ZC3H12B: variants seen among roughly 807,000 people sequenced by gnomAD.
The protein encoded by ZC3H12B is probable ribonuclease ZC3H12B.
In ZC3H12B, 7 loss-of-function variants were observed where a neutral mutation model predicts 43.9. That is an observed-to-expected ratio of 0.16 (90% CI 0.09 to 0.30). The LOEUF is 0.30. ZC3H12B is among the 10% of genes least tolerant of loss of function. The probability of loss-of-function intolerance (pLI) is 1.00; values close to 1 mark genes in which losing one functional copy is unlikely to be tolerated. For synonymous variants in ZC3H12B, 222 were observed against 241.7 expected, an observed-to-expected ratio of 0.92 and a Z score of 0.76; for missense variants, 475 against 670.2, an observed-to-expected ratio of 0.71 and a Z score of 3.22.
At chrX:65,338,192 A>G in the ZC3H12B span, among the ~76,000 whole-genome samples, 4 of 110,561 alleles carry the variant, frequency 3.6e-5, no homozygotes, top group Non-Finnish European at 7.6e-5. Flanking sequence ...CATGTTTAGA[A>G]CTCCCATAAG....
the ZC3H12B span, among the ~76,000 whole-genome samples, chrX:65,106,319 G>A: frequency 1.3e-4 from 15 of 111,968 alleles, no homozygotes; most frequent in South Asian, 3.7e-4. Flanking sequence ...AGAGAGGAGC[G>A]TGGAGGGCAT....
At chrX:65,156,900 G>T in the ZC3H12B span, among the ~76,000 whole-genome samples, 3 of 111,526 alleles carry the variant, frequency 2.7e-5, no homozygotes, top group Admixed American at 9.6e-5. Context: ...TCATCTTTTG[G>T]CTCAGTTAAT....
exon 5 of ZC3H12B, chrX:65,503,885 G>A (rs1032157057): frequency 2.1e-4 from 24 of 111,816 alleles, no homozygotes; most frequent in African/African-American, 7.8e-4. Context: ...CTAAAGTGCT[G>A]GGATTACAGG....
At chrX:65,312,994 G>A in the ZC3H12B span, among the ~76,000 whole-genome samples, 19 of 111,682 alleles carry the variant, frequency 1.7e-4, no homozygotes, top group Admixed American at 9.5e-4. Flanking sequence ...TGATTCTCCT[G>A]CCTCAGTCTC....
intron 2 of ZC3H12B, among the ~76,000 whole-genome samples, chrX:65,375,794 C>T (rs758710334): frequency 1.8e-5 from 2 of 111,927 alleles, no homozygotes; most frequent in East Asian, 5.6e-4. Context: ...CACAGCAATG[C>T]CCAGGTAGTA....
chrX:65,120,096 G>C, the ZC3H12B span, among the ~76,000 whole-genome samples: 1 of 111,863 alleles, frequency 8.9e-6, no homozygotes, highest in South Asian at 3.7e-4. Flanking sequence ...CTCTAGCTTT[G>C]TTCTTTTGAC....
chrX:65,498,493 T>A (rs2068322280), intron 2 of ZC3H12B, among the ~76,000 whole-genome samples: 1 of 111,941 alleles, frequency 8.9e-6, no homozygotes, highest in Admixed American at 9.5e-5. Context: ...CCTCGGCAAC[T>A]AGGAGACCAA....
chrX:65,051,091 A>G, the ZC3H12B span, among the ~76,000 whole-genome samples: 1 of 111,297 alleles, frequency 9.0e-6, no homozygotes, highest in Non-Finnish European at 1.9e-5. Flanking sequence ...TTGGTAGGTT[A>G]TAGAGTTCCA....
the ZC3H12B span, among the ~76,000 whole-genome samples, chrX:65,037,778 A>C: frequency 2.7e-5 from 3 of 111,093 alleles, no homozygotes. Flanking sequence ...TATAAGCAAC[A>C]TTCATTTTGA....
the ZC3H12B span, among the ~76,000 whole-genome samples, chrX:65,230,350 C>T: frequency 9.4e-6 from 1 of 106,078 alleles, no homozygotes; most frequent in African/African-American, 3.5e-5. Context: ...CACATGGACG[C>T]AGGAAGGGGA....
At chrX:65,069,641 G>A in the ZC3H12B span, among the ~76,000 whole-genome samples, 1 of 111,759 alleles carries the variant, frequency 8.9e-6, no homozygotes, top group African/African-American at 3.3e-5. Flanking sequence ...CTACTTTATT[G>A]AGAGTTTTTA....
chrX:65,373,135 A>G (rs1487326623), intron 2 of ZC3H12B, among the ~76,000 whole-genome samples: 1 of 112,376 alleles, frequency 8.9e-6, no homozygotes, highest in Admixed American at 9.4e-5. Flanking sequence ...CCACAGTACG[A>G]TTGTAAGGAT....
intron 4 of ZC3H12B, 131 bp from the exon 10 acceptor site, chrX:65,501,658 G>C (rs780996898): frequency 7.0e-5 from 42 of 602,119 alleles, no homozygotes; most frequent in Middle Eastern, 1.1e-3. Context: ...TCATCTTTGT[G>C]GACAGTTAAT....
the ZC3H12B span, among the ~76,000 whole-genome samples, chrX:65,053,506 A>T: frequency 9.0e-6 from 1 of 111,676 alleles, no homozygotes; most frequent in Non-Finnish European, 1.9e-5. Flanking sequence ...CCAATCTATC[A>T]TTGTTGGACA....
the ZC3H12B span, among the ~76,000 whole-genome samples, chrX:65,135,682 T>C: frequency 9.4e-6 from 1 of 106,551 alleles, no homozygotes; most frequent in Non-Finnish European, 1.9e-5. Flanking sequence ...ACTTCAGTTA[T>C]ACAAGTGTTG....
At chrX:65,127,835 CCA>C in the ZC3H12B span, among the ~76,000 whole-genome samples, 1 of 111,011 alleles carries the variant, frequency 9.0e-6, no homozygotes, top group Non-Finnish European at 1.9e-5. Context: ...CACCCCCCTC[CCA>C]CACAGTTTAC....
the ZC3H12B span, among the ~76,000 whole-genome samples, chrX:65,311,985 G>C: frequency 9.0e-6 from 1 of 110,805 alleles, no homozygotes; most frequent in East Asian, 2.8e-4. Flanking sequence ...CACACCCCAG[G>C]GCCTGTCTGG....
At chrX:65,185,909 A>C in the ZC3H12B span, 1 of 111,620 alleles carries the variant, frequency 9.0e-6, no homozygotes, top group Admixed American at 9.6e-5. Context: ...AGAGCAATGA[A>C]TGCGCTTCAT....
chrX:65,067,099 G>A, the ZC3H12B span, among the ~76,000 whole-genome samples: 8 of 110,565 alleles, frequency 7.2e-5, no homozygotes, highest in Non-Finnish European at 1.1e-4. Flanking sequence ...AACCTGCTCA[G>A]CAAGACCACT....
Sources: gnomAD v4.1 joint callset for allele counts (sites outside exome capture counted in the v4.1 genomes callset) on GRCh38, gnomAD v4.1.1 for gene constraint, MANE v1.5 for transcripts, NCBI Gene and HGNC (gene_info 2026-07-23, HGNC 2026-07-21) for gene names.